The following CDIN1 variants were observed in gnomAD, a reference collection of about 807,000 sequenced individuals.
CDIN1 encodes the protein CDAN1-interacting nuclease 1.
CDIN1 carries 33 observed loss-of-function variants against 45.3 expected under a neutral mutation model. The observed-to-expected ratio is 0.73, with a 90% confidence interval of 0.55 to 0.97. CDIN1 has a LOEUF of 0.97. Ranked by LOEUF, CDIN1 falls within the 50% of genes least tolerant of loss-of-function variation. The pLI, the probability that CDIN1 is intolerant of heterozygous loss-of-function variation, is 0.00. For synonymous variants in CDIN1, 118 were observed against 124.4 expected, an observed-to-expected ratio of 0.95 and a Z score of 0.34; for missense variants, 303 against 339.4, an observed-to-expected ratio of 0.89 and a Z score of 0.84.
chr15:36,789,194 T>C (rs1370844638), intron 10 of CDIN1, among the ~76,000 whole-genome samples: 1 of 152,218 alleles, frequency 6.6e-6, no homozygotes, highest in Non-Finnish European at 1.5e-5. Flanking sequence ...TCCCTAGTGC[T>C]TCCATTCCCT....
chr15:36,734,498 A>T (rs924535785), intron 10 of CDIN1: 5 of 314,008 alleles, frequency 1.6e-5, no homozygotes, highest in African/African-American at 1.1e-4. Context: ...AGAGAAGGTT[A>T]ACCTGACTCT....
intron 10 of CDIN1, among the ~76,000 whole-genome samples, chr15:36,795,257 G>A (rs939804763): frequency 6.6e-6 from 1 of 152,136 alleles, no homozygotes; most frequent in Non-Finnish European, 1.5e-5. Flanking sequence ...TAACAAAAGT[G>A]TACTGTGTAT....
intron 10 of CDIN1, among the ~76,000 whole-genome samples, chr15:36,727,305 T>C (rs969480338): frequency 6.6e-6 from 1 of 150,978 alleles, no homozygotes; most frequent in African/African-American, 2.4e-5. Flanking sequence ...ATGTAGACGC[T>C]GTTTATCTGT....
chr15:36,702,129 G>A (rs774561225), intron 8 of CDIN1: 4 of 702,108 alleles, frequency 5.7e-6, no homozygotes, highest in Non-Finnish European at 1.0e-5. Flanking sequence ...GATTATGTAG[G>A]CTGAAGGGAA....
At chr15:36,710,038 C>A in intron 10 of CDIN1, 77 bp downstream of exon 10, 1 of 1,126,606 alleles carries the variant, frequency 8.9e-7, no homozygotes, top group Non-Finnish European at 1.3e-6. Context: ...TTTTGTTTAG[C>A]TGGTAAAAAT....
At chr15:36,678,490 A>G (rs1056948159) in intron 5 of CDIN1, among the ~76,000 whole-genome samples, 1 of 152,180 alleles carries the variant, frequency 6.6e-6, no homozygotes, top group Non-Finnish European at 1.5e-5. Context: ...TGCCAGCAGC[A>G]GTTTCCATAT....
At chr15:36,633,430 A>T (rs959016226) in intron 1 of CDIN1, among the ~76,000 whole-genome samples, 5 of 152,172 alleles carry the variant, frequency 3.3e-5, no homozygotes, top group South Asian at 2.1e-4. Flanking sequence ...ATTCACAAAA[A>T]ATAGGGCATT....
At chr15:36,778,043 C>G (rs991690315) in intron 10 of CDIN1, among the ~76,000 whole-genome samples, 3 of 152,180 alleles carry the variant, frequency 2.0e-5, no homozygotes, top group Admixed American at 2.0e-4. Context: ...GTTTCTCCCC[C>G]TTGTGAAGAG....
chr15:36,700,262 T>C (rs866655298), intron 8 of CDIN1, among the ~76,000 whole-genome samples: 1 of 152,212 alleles, frequency 6.6e-6, no homozygotes, highest in Non-Finnish European at 1.5e-5. Context: ...AAGCACTCTG[T>C]GCTCCCAGTG....
intron 10 of CDIN1, among the ~76,000 whole-genome samples, chr15:36,793,054 T>A (rs2054689379): frequency 1.3e-5 from 2 of 152,240 alleles, no homozygotes; most frequent in South Asian, 4.1e-4. Flanking sequence ...ACCCACTCGG[T>A]GAACTTTGAC....
intron 10 of CDIN1, among the ~76,000 whole-genome samples, chr15:36,806,211 C>A (rs945944396): frequency 6.6e-6 from 1 of 152,164 alleles, no homozygotes; most frequent in African/African-American, 2.4e-5. Context: ...TGTTGCCTCA[C>A]AAGTGAAACA....
intron 10 of CDIN1, among the ~76,000 whole-genome samples, chr15:36,759,963 G>T (rs1164124927): frequency 2.6e-5 from 4 of 152,088 alleles, no homozygotes; most frequent in Non-Finnish European, 5.9e-5. Context: ...CAACAATTGA[G>T]AACACAATTC....
chr15:36,688,410 G>C (rs561503626), intron 5 of CDIN1, among the ~76,000 whole-genome samples: 1 of 152,214 alleles, frequency 6.6e-6, no homozygotes, highest in South Asian at 2.1e-4. Flanking sequence ...ATAATCTTAG[G>C]CATTGTGCCT....
intron 1 of CDIN1, chr15:36,591,698 T>G (rs1160288496): frequency 2.0e-5 from 3 of 152,218 alleles, no homozygotes; most frequent in African/African-American, 7.2e-5. Flanking sequence ...CTCTTATTAT[T>G]CAGATTCAGT....
chr15:36,756,045 G>A (rs1437705853), intron 10 of CDIN1: 1 of 455,896 alleles, frequency 2.2e-6, no homozygotes, highest in South Asian at 1.5e-5. Flanking sequence ...AAGCGTTGAT[G>A]CCTTTATTCA....
At chr15:36,589,227 A>C (rs1025893174) in intron 1 of CDIN1, among the ~76,000 whole-genome samples, 1 of 152,234 alleles carries the variant, frequency 6.6e-6, no homozygotes, top group African/African-American at 2.4e-5. Flanking sequence ...GAAACAAAAC[A>C]ATCAATATAT....
At chr15:36,701,145 G>A (rs976081690) in intron 8 of CDIN1, among the ~76,000 whole-genome samples, 2 of 151,646 alleles carry the variant, frequency 1.3e-5, no homozygotes, top group Non-Finnish European at 2.9e-5. Context: ...TAGATAGATA[G>A]ATAGATAGAT....
At chr15:36,715,178 G>T (rs562377693) in intron 10 of CDIN1, among the ~76,000 whole-genome samples, 1 of 151,978 alleles carries the variant, frequency 6.6e-6, no homozygotes, top group Non-Finnish European at 1.5e-5. Flanking sequence ...CCACGGAAAC[G>T]ATTAAGAGCT....
chr15:36,697,436 T>C, intron 8 of CDIN1, 46 bp downstream of exon 8: 2 of 1,418,682 alleles, frequency 1.4e-6, no homozygotes, highest in Non-Finnish European at 1.9e-6. Context: ...TCTCCCTGAG[T>C]GCTTAAATAT....
Sources: allele counts gnomAD v4.1 joint callset (sites outside exome capture counted in the v4.1 genomes callset), GRCh38; gene constraint gnomAD v4.1.1; transcripts MANE v1.5; gene names NCBI Gene and HGNC (gene_info 2026-07-23, HGNC 2026-07-21).